Variants in PHAX observed in about 807,000 individuals in gnomAD.
The protein encoded by PHAX is phosphorylated adapter RNA export protein.
A neutral mutation model predicts 41.6 loss-of-function variants in PHAX; 31 were observed. The observed-to-expected ratio is 0.75, with a 90% CI of 0.56 to 1.01. The LOEUF (loss-of-function observed/expected upper bound fraction) is 1.01, where lower values mean the gene tolerates loss of function less well. Among genes scored for constraint, PHAX ranks in the 50% least tolerant of loss-of-function variants. The probability of loss-of-function intolerance (pLI) is 0.00; values close to 1 mark genes in which losing one functional copy is unlikely to be tolerated. For synonymous variants in PHAX, 175 were observed against 164.9 expected (o/e 1.06, Z -0.47); for missense variants, 453 against 472.9 (o/e 0.96, Z 0.39).
intron 3 of PHAX, among the ~76,000 whole-genome samples, chr5:126,614,353 C>T (rs192527939): frequency 1.8e-4 from 28 of 152,220 alleles, no homozygotes; most frequent in Non-Finnish European, 2.9e-4. Context: ...CCCGTCTCGG[C>T]CTCCCAAAGT....
In PHAX at chr5:126,600,947, A is replaced by C; in HGVS notation, c.-16A>C. ...CTCCTGACCCGCCGCTGTGCAGCGC[A>C]GCGCACCGCGGGAAGATGGCGTTGG... On this transcript the variant is annotated 5_prime_UTR_variant, in exon 1 of 5. Coordinates refer to ENST00000297540, the MANE Select transcript of PHAX (RefSeq NM_032177.4). The C allele has an allele frequency of 2.5e-6, 4 of 1,587,762 alleles. No individual in the cohort carries two copies. The highest frequency in any genetic ancestry group is 2.3e-5 in the East Asian group (1 of 43,240).
rs191125684 is a variant in PHAX at position 126,603,945 on chromosome 5, A to G, written c.472A>G (p.Lys158Glu). The change falls in exon 2 of 5, where the codon AAG (lysine) becomes GAG (glutamate). Residue 158 changes from lysine to glutamate, a missense_variant. Transcript: ENST00000297540. ...CGAGACCTACAATTATTTGCTTGCC[A>G]AGAAACTTAGGAAGGAATCTCAAGA... ...QSETYNYLLA[K>E]KLRKESQEHT... 6.2e-7 allele frequency: 1 copy of G among 1,614,162 alleles called. No individual in the cohort carries two copies. The highest frequency in any genetic ancestry group is 1.7e-5 in the Admixed American group (1 of 59,988).
intron 4 of PHAX, among the ~76,000 whole-genome samples, chr5:126,622,271 T>C (rs1301090525): frequency 6.6e-6 from 1 of 151,910 alleles, no homozygotes; most frequent in East Asian, 1.9e-4. Context: ...GTAGCTTGGA[T>C]TATAGGCTCG....
At chr5:126,604,462 G>C (rs1348783991) in intron 2 of PHAX, among the ~76,000 whole-genome samples, 1 of 151,936 alleles carries the variant, frequency 6.6e-6, no homozygotes, top group African/African-American at 2.4e-5. Flanking sequence ...ACAGGGTCTT[G>C]CCATGTTGTC....
At chr5:126,622,125 TG>T (rs2112838585) in intron 4 of PHAX, among the ~76,000 whole-genome samples, 1 of 152,020 alleles carries the variant, frequency 6.6e-6, no homozygotes, top group East Asian at 1.9e-4. Context: ...GGCTAATTTT[TG>T]TGTTTTTGTT....
Position 126,604,093 on chromosome 5 carries a change from T to C in PHAX, c.620T>C (p.Leu207Pro), listed in dbSNP as rs1312819769. The part of the protein sequence containing the change: ...LKRKRPVKDR[L>P]GNRPEMNYKG... ...AGGAAACGACCTGTCAAAGACAGGC[T>C]AGGGAACAGACCAGAAATGAACTAT... The change falls in exon 2 of 5, where the codon CTA (leucine) becomes CCA (proline). Residue 207 changes from leucine to proline, a missense_variant. Coordinates refer to ENST00000297540, the MANE Select transcript of PHAX (RefSeq NM_032177.4). 13 of 1,612,930 alleles carry C rather than the reference T, an allele frequency of 8.1e-6. No homozygotes were observed. Among genetic ancestry groups the C allele is most frequent in the Non-Finnish European group, 1.1e-5 (13 of 1,179,800 alleles).
intron 2 of PHAX, among the ~76,000 whole-genome samples, chr5:126,607,841 G>C (rs1459982514): frequency 6.6e-6 from 1 of 152,134 alleles, no homozygotes; most frequent in African/African-American, 2.4e-5. Flanking sequence ...CTGGCATAGT[G>C]CATGTAAGGT....
Position 126,624,681 on chromosome 5 carries a change from T to C in PHAX, c.1022T>C (p.Leu341Pro), listed in dbSNP as rs1018208019. The change falls in exon 5 of 5, where the codon CTA becomes CCA. Residue 341 changes from leucine (L) to proline (P), a missense_variant. By Grantham distance (98) the Leu-to-Pro change is moderately conservative. Coordinates refer to ENST00000297540, the MANE Select transcript of PHAX (RefSeq NM_032177.4). ...AAGATGAAACAAGCTATTAAAAGTC[T>C]AAATTTTCAAGAAGATGATGATACA... ...GKKMKQAIKS[L>P]NFQEDDDTSR... 1.1e-5 allele frequency: 18 copies of C among 1,614,046 alleles called. No homozygotes were observed. The highest frequency in any genetic ancestry group is 1.4e-5 in the Non-Finnish European group (17 of 1,180,020).
Position 126,627,107 on chromosome 5 carries a change from C to T in PHAX, c.*2263C>T, listed in dbSNP as rs551641532. The T allele has an allele frequency of 3.3e-5, 5 of 152,150 alleles. No individual in the cohort carries two copies. The highest frequency in any genetic ancestry group is 6.5e-5 in the Admixed American group (1 of 15,268). 9.4% of individuals were successfully genotyped at this position (152,150 alleles called of 1,614,324 possible). On this transcript the variant is annotated 3_prime_UTR_variant, in exon 5 of 5. Transcript: ENST00000297540. ...AAATGTAAAATTCAGCAATTATAAA[C>T]TGTTCCTTACAGACAGTGTACTTGA... is the stretch of plus-strand genomic sequence containing the variant.
chr5:126,600,990 G>A lies in PHAX; in HGVS notation c.28G>A (p.Asp10Asn), dbSNP rs1466081043. The A allele has an allele frequency of 3.1e-6, 5 of 1,604,618 alleles. No homozygotes were observed. Among genetic ancestry groups the A allele is most frequent in the Middle Eastern group, 1.7e-4 (1 of 6,050 alleles). Residue 10 changes from aspartate to asparagine, a missense_variant, in exon 1 of 5, where the codon GAT becomes AAT. By Grantham distance (23) the Asp-to-Asn change is conservative (BLOSUM62 1). Coordinates refer to ENST00000297540, the MANE Select transcript of PHAX (RefSeq NM_032177.4). MALEVGDME[D>N]GQLSDSDSDM... is the part of the protein sequence containing the mutation. ...GGCGTTGGAGGTCGGCGATATGGAA[G>A]ATGGGCAGCTTTCCGACTCGGATTC...
chr5:126,609,875 G>A (rs1752054083), intron 3 of PHAX, among the ~76,000 whole-genome samples: 1 of 151,988 alleles, frequency 6.6e-6, no homozygotes, highest in Admixed American at 6.6e-5. Context: ...AAGTATGCTG[G>A]GACTATAGCC....
rs1581424884 is a variant in PHAX, at chr5:126,625,704, T to G, written c.*860T>G. Reference sequence around the variant, plus strand: ...GGAAGTTTTCCAAGTAACTATTTGTTTTTTGGGGGGTTTTTTAGTTAGAGT... The same window carrying G: ...GGAAGTTTTCCAAGTAACTATTTGTGTTTTGGGGGGTTTTTTAGTTAGAGT... On this transcript the variant is annotated 3_prime_UTR_variant, in exon 5 of 5. Coordinates refer to ENST00000297540, the MANE Select transcript of PHAX (RefSeq NM_032177.4). 6.6e-6 allele frequency: 1 copy of G among 152,020 alleles called. No individual in the cohort carries two copies. Among genetic ancestry groups the G allele is most frequent in the Admixed American group, 6.6e-5 (1 of 15,226 alleles). The allele number at this position is 152,020 out of a possible 1,614,324, so 9.4% of individuals were successfully genotyped here. A position where few individuals can be genotyped will look rare whatever the true frequency, so the allele number is the denominator to read the frequency against.
At chr5:126,609,025 A>G (rs1048072295) in intron 3 of PHAX, among the ~76,000 whole-genome samples, 1 of 151,614 alleles carries the variant, frequency 6.6e-6, no homozygotes, top group Middle Eastern at 3.2e-3. Flanking sequence ...ACAAACAAAC[A>G]TAAATTATAG....
chr5:126,615,398 C>T (rs1752168133), intron 3 of PHAX, among the ~76,000 whole-genome samples: 1 of 152,012 alleles, frequency 6.6e-6, no homozygotes, highest in African/African-American at 2.4e-5. Context: ...CCGACATGCA[C>T]ATGCTTAGCT....
Position 126,611,020 on chromosome 5 carries a change from T to C in PHAX, c.831+2536T>C, listed in dbSNP as rs527830936. Reference sequence around the variant, plus strand: ...CTATGTCCAGCCCCCAAATTTACTTTCTTTTTTTTTTTGTTTTTTTTCTTT... The same window carrying C: ...CTATGTCCAGCCCCCAAATTTACTTCCTTTTTTTTTTTGTTTTTTTTCTTT... On this transcript the variant is annotated intron_variant, in intron 3 of 4. Transcript: ENST00000297540. Among the ~76,000 whole-genome samples, 449 of 151,216 alleles carry C rather than the reference T, an allele frequency of 3.0e-3. 2 individuals are homozygous for C. Among genetic ancestry groups the C allele is most frequent in the African/African-American group, 0.01 (426 of 40,946 alleles).
rs60221470 is a variant in PHAX at position 126,607,869 on chromosome 5, T to C, written c.711-495T>C. On this transcript the variant is annotated intron_variant, in intron 2 of 4. Transcript: ENST00000297540. ...TGTAAGGTTCTTAGGATTGTGCTTA[T>C]TATAATCATAATAAGCCATCAGTAA... Among the ~76,000 whole-genome samples, 429 of 152,314 alleles carry C rather than the reference T, an allele frequency of 2.8e-3. 13 individuals carry two copies. The East Asian group carries it at 0.076, about 27-fold the overall frequency.
chr5:126,622,442 ATTTTTTTTTTTTT>A (rs56297404), intron 4 of PHAX, among the ~76,000 whole-genome samples: 1,315 of 56,104 alleles, frequency 0.023, 36 homozygotes, highest in African/African-American at 0.076. Flanking sequence ...TAATTTTTGT[ATTTTTTTTTTTTT>A]TTTTTTTTTT....
rs1397747837 is a variant in PHAX, at chr5:126,626,780, G to T, written c.*1936G>T. The T allele has an allele frequency of 6.6e-6, 1 of 150,486 alleles. No individual in the cohort carries two copies. The highest frequency in any genetic ancestry group is 2.5e-5 in the African/African-American group (1 of 40,646). 9.3% of individuals were successfully genotyped at this position (150,486 alleles called of 1,614,324 possible). A position where few individuals can be genotyped will look rare whatever the true frequency, so the allele number is the denominator to read the frequency against. Reference sequence around the variant, plus strand: ...CAAAAAATTAGCCGGGCATTGTGGTGCATGCCTGTAATCTCAGCTATTTGG... The same window carrying T: ...CAAAAAATTAGCCGGGCATTGTGGTTCATGCCTGTAATCTCAGCTATTTGG... On this transcript the variant is annotated 3_prime_UTR_variant, in exon 5 of 5. Transcript: ENST00000297540.
At chr5:126,617,360 G>A (rs769391556) in intron 4 of PHAX, 27 bp downstream of exon 4, 2 of 1,387,596 alleles carry the variant, frequency 1.4e-6, no homozygotes, top group Admixed American at 3.6e-5. Flanking sequence ...CACCTCTTAA[G>A]CGCCATCATA....
Sources: allele counts gnomAD v4.1 joint callset (sites outside exome capture counted in the v4.1 genomes callset), GRCh38; gene constraint gnomAD v4.1.1; transcripts MANE v1.5; gene names NCBI Gene and HGNC (gene_info 2026-07-23, HGNC 2026-07-21).